Variants in PRORP observed in about 807,000 individuals in gnomAD.
The protein encoded by PRORP is protein only RNase P catalytic subunit.
PRORP carries 51 observed loss-of-function variants against 59.4 expected under a neutral mutation model. That is an observed-to-expected ratio of 0.86 (90% CI 0.69 to 1.08). PRORP has a LOEUF of 1.08. Among genes scored for constraint, PRORP ranks in the 50% least tolerant of loss-of-function variants. The pLI, the probability that PRORP is intolerant of heterozygous loss-of-function variation, is 0.00. For missense variants in PRORP, 646 were observed against 690.3 expected (o/e 0.94, Z 0.72); for synonymous variants, 231 against 245.6 (o/e 0.94, Z 0.55).
chr14:35,247,199 T>C (rs2050507770), intron 5 of PRORP, among the ~76,000 whole-genome samples: 3 of 152,170 alleles, frequency 2.0e-5, no homozygotes, highest in Admixed American at 1.3e-4. Flanking sequence ...TGGAAAGGTC[T>C]CTATTATGTG....
intron 5 of PRORP, among the ~76,000 whole-genome samples, chr14:35,182,715 G>A (rs139982766): frequency 0.013 from 1,913 of 152,244 alleles, 49 homozygotes; most frequent in African/African-American, 0.044. Flanking sequence ...TAGATACACA[G>A]ATTAAAATAT....
chr14:35,175,112 T>C (rs1342808607), intron 4 of PRORP, among the ~76,000 whole-genome samples: 1 of 152,082 alleles, frequency 6.6e-6, no homozygotes, highest in Non-Finnish European at 1.5e-5. Context: ...ATGGTGTATA[T>C]GTGCCACATT....
intron 5 of PRORP, among the ~76,000 whole-genome samples, chr14:35,187,430 T>TTG (rs2048767965): frequency 6.7e-6 from 1 of 148,362 alleles, no homozygotes; most frequent in Non-Finnish European, 1.5e-5. Context: ...GTTTCTTTGT[T>TTG]TTTTTTTTTT....
At chr14:35,261,237 A>C (rs568124236) in intron 5 of PRORP, among the ~76,000 whole-genome samples, 1 of 152,262 alleles carries the variant, frequency 6.6e-6, no homozygotes, top group African/African-American at 2.4e-5. Flanking sequence ...GTCCTTGTGT[A>C]CTGAGGTCCC....
chr14:35,233,125 C>T lies in PRORP; in HGVS notation c.1276-33602C>T, dbSNP rs770855504. Among the ~76,000 whole-genome samples the T allele has an allele frequency of 2.3e-4, 31 of 137,158 alleles. 1 individual carries two copies. Among genetic ancestry groups the T allele is most frequent in the African/African-American group, 8.5e-4 (31 of 36,636 alleles). 90.0% of individuals were successfully genotyped at this position (137,158 alleles called of 152,430 possible). ...TTTTCTTTTCATTCGTCAACCCATT[C>T]GGCAAATACTTATTGATCATCATAA... On this transcript the variant is annotated intron_variant, in intron 5 of 7. Coordinates refer to ENST00000534898, the MANE Select transcript of PRORP (RefSeq NM_014672.4).
rs1472098103 is a variant in PRORP at position 35,266,758 on chromosome 14, G to A, written c.1307G>A (p.Arg436Gln). Residue 436 changes from arginine to glutamine, a missense_variant, in exon 6 of 8, where the codon CGG becomes CAG. Transcript: ENST00000534898. ...AATGTCGTCTCTCAACTAGCCAAAC[G>A]GAATCTGCGACTGCTGGTCCTAGGC... is the stretch of plus-strand genomic sequence containing the variant. ...LLNVVSQLAK[R>Q]NLRLLVLGRK... 13 of 1,614,060 alleles carry A rather than the reference G, an allele frequency of 8.1e-6. No individual in the cohort carries two copies. Among genetic ancestry groups the A allele is most frequent in the Admixed American group, 3.3e-5 (2 of 59,994 alleles).
chr14:35,164,965 C>G (rs186606377), intron 4 of PRORP, among the ~76,000 whole-genome samples: 1 of 152,232 alleles, frequency 6.6e-6, no homozygotes, highest in East Asian at 1.9e-4. Flanking sequence ...AAGTTTCTCT[C>G]CCATTGTTTG....
chr14:35,254,724 C>G (rs980325453), intron 5 of PRORP, among the ~76,000 whole-genome samples: 8 of 152,120 alleles, frequency 5.3e-5, no homozygotes, highest in Non-Finnish European at 1.0e-4. Context: ...TGATTTTCCC[C>G]CATTGCTTTC....
chr14:35,156,755 GA>G (rs1385612501), intron 4 of PRORP, among the ~76,000 whole-genome samples: 2 of 152,106 alleles, frequency 1.3e-5, no homozygotes, highest in Non-Finnish European at 2.9e-5. Flanking sequence ...TGTTTTTCAA[GA>G]AAATATGATA....
chr14:35,243,851 T>C lies in PRORP; in HGVS notation c.1276-22876T>C, dbSNP rs573701035. On this transcript the variant is annotated intron_variant, in intron 5 of 7. Coordinates refer to ENST00000534898, the MANE Select transcript of PRORP (RefSeq NM_014672.4). Reference sequence around the variant, plus strand: ...GGTGATGTGTATAAGCACATTAATATTTAAAGTACTTTTGACATATCATAA... The same window carrying C: ...GGTGATGTGTATAAGCACATTAATACTTAAAGTACTTTTGACATATCATAA... Among the ~76,000 whole-genome samples the C allele has an allele frequency of 4.6e-5, 7 of 152,322 alleles. No homozygotes were observed. The South Asian group carries it at 1.4e-3, about 32-fold the overall frequency.
chr14:35,223,265 C>T (rs1429878714), intron 5 of PRORP, among the ~76,000 whole-genome samples: 1 of 150,100 alleles, frequency 6.7e-6, no homozygotes, highest in Non-Finnish European at 1.5e-5. Context: ...CTCCCCAATG[C>T]TGGGAGAGGT....
intron 5 of PRORP, among the ~76,000 whole-genome samples, chr14:35,187,063 A>T (rs1034352564): frequency 5.3e-5 from 8 of 152,140 alleles, no homozygotes; most frequent in Non-Finnish European, 8.8e-5. Context: ...TCTGTAGTTG[A>T]TGGACCTTTG....
chr14:35,174,165 C>G (rs1437107556), intron 4 of PRORP, among the ~76,000 whole-genome samples: 1 of 151,998 alleles, frequency 6.6e-6, no homozygotes, highest in Admixed American at 6.6e-5. Flanking sequence ...TTAGACATCA[C>G]CTTTTGAGAG....
chr14:35,131,123 AAT>A (rs2047227644), intron 4 of PRORP, among the ~76,000 whole-genome samples: 1 of 147,790 alleles, frequency 6.8e-6, no homozygotes, highest in Admixed American at 6.8e-5. Flanking sequence ...TTGTATTTTT[AAT>A]AGAGACGGGG....
At chr14:35,190,288 C>T (rs2048850744) in intron 5 of PRORP, among the ~76,000 whole-genome samples, 1 of 151,146 alleles carries the variant, frequency 6.6e-6, no homozygotes, top group African/African-American at 2.4e-5. Context: ...ATCCCAGCTA[C>T]TCGGGAGGCT....
chr14:35,212,447 G>T (rs2049472697), intron 5 of PRORP, among the ~76,000 whole-genome samples: 1 of 152,208 alleles, frequency 6.6e-6, no homozygotes, highest in South Asian at 2.1e-4. Flanking sequence ...ATTTGAAAGT[G>T]TAAATTACTC....
intron 5 of PRORP, among the ~76,000 whole-genome samples, chr14:35,219,853 A>G (rs1396127073): frequency 2.0e-5 from 3 of 152,116 alleles, no homozygotes; most frequent in Non-Finnish European, 2.9e-5. Flanking sequence ...CATGGACTCT[A>G]TTTTTTGAAT....
chr14:35,263,604 C>T (rs1238274968), intron 5 of PRORP, among the ~76,000 whole-genome samples: 1 of 152,164 alleles, frequency 6.6e-6, no homozygotes. Context: ...AGGAGAATCG[C>T]TTGAACCTGG....
At chr14:35,131,234 C>T (rs1306275627) in intron 4 of PRORP, among the ~76,000 whole-genome samples, 2 of 152,148 alleles carry the variant, frequency 1.3e-5, no homozygotes, top group Non-Finnish European at 2.9e-5. Flanking sequence ...TGAGCCACCA[C>T]AGCTGGCCAT....
Sources: allele counts gnomAD v4.1 joint callset (sites outside exome capture counted in the v4.1 genomes callset), GRCh38; gene constraint gnomAD v4.1.1; transcripts MANE v1.5; gene names NCBI Gene and HGNC (gene_info 2026-07-23, HGNC 2026-07-21).